Variants in LARGE1 observed in about 807,000 individuals in gnomAD.
LARGE1 encodes the protein LARGE xylosyl- and glucuronyltransferase 1.
LARGE1 carries 43 observed loss-of-function variants against 87.6 expected under a neutral mutation model. The ratio of observed to expected loss-of-function variants is 0.49; its 90% CI spans 0.38 to 0.63. The LOEUF (loss-of-function observed/expected upper bound fraction) is 0.63. LARGE1 is among the 30% of genes least tolerant of loss of function. The pLI is 0.00. For synonymous variants in LARGE1, 434 were observed against 394.6 expected (o/e 1.10, Z -1.18); for missense variants, 802 against 1,000.2 (o/e 0.80, Z 2.67).
chr22:33,120,347 C>CT, the LARGE1 span, among the ~76,000 whole-genome samples: 16 of 119,946 alleles, frequency 1.3e-4, no homozygotes, highest in African/African-American at 3.0e-4. Flanking sequence ...CTTTTTCTTT[C>CT]TTTTCTTTCT....
Position 33,273,506 on chromosome 22 carries a change from G to GA in LARGE1, c.*920dup. The GA allele has an allele frequency of 2.5e-6, 1 of 398,660 alleles. No homozygotes were observed. Among genetic ancestry groups the GA allele is most frequent in the Non-Finnish European group, 4.4e-6 (1 of 226,138 alleles). The allele number at this position is 398,660 out of a possible 1,614,324, so 24.7% of individuals were successfully genotyped here. The stretch of plus-strand genomic sequence containing the variant: ...TAGTTCCTTCAAAGCCCTTTCCCAT[G>GA]AATCAGTCACTGCCAATAGAAAATG... On this transcript the variant is annotated 3_prime_UTR_variant, in exon 15 of 15. Transcript: ENST00000397394.
chr22:33,337,575 G>C (rs759259056), intron 10 of LARGE1, 71 bp downstream of exon 10: 19 of 1,572,522 alleles, frequency 1.2e-5, no homozygotes, highest in Non-Finnish European at 1.6e-5. Context: ...ATAGAGCCTG[G>C]CATGGGGGAG....
At chr22:33,609,602 T>C (rs556065476) in intron 4 of LARGE1, among the ~76,000 whole-genome samples, 1 of 152,282 alleles carries the variant, frequency 6.6e-6, no homozygotes, top group South Asian at 2.1e-4. Flanking sequence ...ATGGGTCCAC[T>C]GACATATGGA....
At chr22:33,297,453 T>C (rs1318978583) in intron 12 of LARGE1, among the ~76,000 whole-genome samples, 1 of 145,566 alleles carries the variant, frequency 6.9e-6, no homozygotes, top group Non-Finnish European at 1.5e-5. Context: ...TACTGAAAAA[T>C]ACAAAAAAAA....
At chr22:33,387,575 C>T (rs1466572987) in intron 7 of LARGE1, among the ~76,000 whole-genome samples, 1 of 148,124 alleles carries the variant, frequency 6.8e-6, no homozygotes, top group African/African-American at 2.5e-5. Context: ...TATATTAATG[C>T]ACATTTTTGA....
At chr22:33,575,758 A>T (rs1181959331) in intron 5 of LARGE1, among the ~76,000 whole-genome samples, 2 of 152,208 alleles carry the variant, frequency 1.3e-5, no homozygotes, top group African/African-American at 2.4e-5. Context: ...TAATTCCAGA[A>T]TGATGACAAA....
intron 6 of LARGE1, among the ~76,000 whole-genome samples, chr22:33,500,238 C>T (rs1454967291): frequency 6.6e-6 from 1 of 152,124 alleles, no homozygotes; most frequent in Non-Finnish European, 1.5e-5. Flanking sequence ...CTTTGAATCC[C>T]CCATGATTAG....
At chr22:33,878,371 C>T (rs978559348) in intron 1 of LARGE1, among the ~76,000 whole-genome samples, 9 of 151,698 alleles carry the variant, frequency 5.9e-5, no homozygotes, top group African/African-American at 1.9e-4. Context: ...CCTTGTGATC[C>T]GCCCGCCTCA....
At chr22:33,233,155 C>T (rs1268462243) in intron 11 of LARGE1, among the ~76,000 whole-genome samples, 1 of 152,060 alleles carries the variant, frequency 6.6e-6, no homozygotes, top group Non-Finnish European at 1.5e-5. Context: ...TGCAAGGTAG[C>T]AAGGAGAAAT....
chr22:33,255,969 C>G (rs1400793396), intron 11 of LARGE1, among the ~76,000 whole-genome samples: 2 of 152,166 alleles, frequency 1.3e-5, no homozygotes, highest in African/African-American at 2.4e-5. Flanking sequence ...CTCTTCACCC[C>G]CTGCAGATTC....
At chr22:33,869,392 C>G (rs1486217650) in intron 1 of LARGE1, among the ~76,000 whole-genome samples, 1 of 152,064 alleles carries the variant, frequency 6.6e-6, no homozygotes, top group African/African-American at 2.4e-5. Flanking sequence ...TCAGCTCCCT[C>G]CCAAGTAGGG....
chr22:33,864,430 G>A (rs1055132654), intron 1 of LARGE1, among the ~76,000 whole-genome samples: 2 of 152,200 alleles, frequency 1.3e-5, no homozygotes, highest in Admixed American at 1.3e-4. Context: ...AACCAATGCT[G>A]GCTTCGTGTT....
chr22:33,887,568 C>T (rs2064888870), intron 1 of LARGE1, among the ~76,000 whole-genome samples: 1 of 152,138 alleles, frequency 6.6e-6, no homozygotes, highest in Non-Finnish European at 1.5e-5. Context: ...GAAACCCTGT[C>T]TCTACTAAAA....
At chr22:33,082,950 G>A in the LARGE1 span, among the ~76,000 whole-genome samples, 8 of 152,194 alleles carry the variant, frequency 5.3e-5, no homozygotes, top group East Asian at 1.9e-4. Context: ...GTGTGAACCC[G>A]GGAGGCGGAG....
intron 6 of LARGE1, among the ~76,000 whole-genome samples, chr22:33,530,912 G>C (rs2072165753): frequency 6.6e-6 from 1 of 152,132 alleles, no homozygotes; most frequent in Admixed American, 6.5e-5. Flanking sequence ...AAGTACCATA[G>C]AGTACACACC....
At chr22:33,476,547 G>A (rs1403300777) in intron 6 of LARGE1, among the ~76,000 whole-genome samples, 1 of 152,170 alleles carries the variant, frequency 6.6e-6, no homozygotes, top group South Asian at 2.1e-4. Context: ...CATGTCTTCA[G>A]GACTTCCTGA....
intron 1 of LARGE1, among the ~76,000 whole-genome samples, chr22:33,821,287 A>T (rs1347309302): frequency 6.6e-6 from 1 of 152,144 alleles, no homozygotes; most frequent in African/African-American, 2.4e-5. Context: ...CGAAGTTAGA[A>T]AAAAATGGCA....
rs573354783 is a variant in LARGE1 at position 33,206,355 on chromosome 22, G to C, written c.1731-39523C>G. 2.0e-5 allele frequency among the ~76,000 whole-genome samples: 3 copies of C among 151,030 alleles called. No homozygotes were observed. In the South Asian group the frequency reaches 6.2e-4, roughly 31 times the overall value. On this transcript the variant is annotated intron_variant, in intron 11 of 11. Transcript: ENST00000608642. ...GGTCCACCTGCCTCAGCCTCCCAAA[G>C]TGTTGGGATTACAGGCGTGAGCCAC...
At chr22:33,429,522 A>G (rs1478213476) in intron 7 of LARGE1, among the ~76,000 whole-genome samples, 1 of 152,170 alleles carries the variant, frequency 6.6e-6, no homozygotes, top group African/African-American at 2.4e-5. Flanking sequence ...TGGTTGTAAT[A>G]AATTCCCTAG....
Sources: gnomAD v4.1 joint callset for allele counts (sites outside exome capture counted in the v4.1 genomes callset) on GRCh38, gnomAD v4.1.1 for gene constraint, MANE v1.5 for transcripts, NCBI Gene and HGNC (gene_info 2026-07-23, HGNC 2026-07-21) for gene names.